Variants in PRELID2 observed in about 807,000 individuals in gnomAD.
PRELID2 encodes PRELI domain-containing protein 2.
Under a neutral mutation model 28.4 loss-of-function variants are expected in PRELID2, and 25 were observed. The ratio of observed to expected loss-of-function variants is 0.88; its 90% CI spans 0.64 to 1.23. The LOEUF (loss-of-function observed/expected upper bound fraction) is 1.23. Among genes scored for constraint, PRELID2 ranks in the 50% most tolerant of loss-of-function variants. PRELID2 has a pLI of 0.00. For synonymous variants in PRELID2, 76 were observed against 71.6 expected (o/e 1.06, Z -0.31); for missense variants, 201 against 214.4 (o/e 0.94, Z 0.39).
chr5:145,825,244 A>AAC (rs1755106156), intron 1 of PRELID2, among the ~76,000 whole-genome samples: 1 of 126,240 alleles, frequency 7.9e-6, no homozygotes, highest in Non-Finnish European at 1.7e-5. Flanking sequence ...AAAAAAAAAA[A>AAC]AAAAAAAAAA....
chr5:145,283,718 T>C, the PRELID2 span, among the ~76,000 whole-genome samples: 1 of 152,188 alleles, frequency 6.6e-6, no homozygotes, highest in Non-Finnish European at 1.5e-5. Flanking sequence ...ACCAGGCAAG[T>C]TGTTCATCTT....
chr5:145,277,221 TA>T, the PRELID2 span, among the ~76,000 whole-genome samples: 191 of 152,222 alleles, frequency 1.3e-3, no homozygotes, highest in African/African-American at 4.5e-3. Context: ...AAATGTTCAG[TA>T]AACAAAATTT....
chr5:145,283,564 A>G, the PRELID2 span, among the ~76,000 whole-genome samples: 1 of 152,182 alleles, frequency 6.6e-6, no homozygotes, highest in Non-Finnish European at 1.5e-5. Flanking sequence ...AACATCAGAT[A>G]TAAATAAGGA....
the PRELID2 span, among the ~76,000 whole-genome samples, chr5:145,232,578 A>G: frequency 6.6e-6 from 1 of 152,172 alleles, no homozygotes; most frequent in African/African-American, 2.4e-5. Context: ...ATAAGGCTTG[A>G]TCACTCGTTA....
chr5:145,406,050 G>A, the PRELID2 span, among the ~76,000 whole-genome samples: 10 of 152,006 alleles, frequency 6.6e-5, no homozygotes, highest in South Asian at 6.2e-4. Context: ...GAACTCCCTC[G>A]GGATCACAAG....
the PRELID2 span, among the ~76,000 whole-genome samples, chr5:145,456,048 T>G: frequency 6.6e-6 from 1 of 152,208 alleles, no homozygotes; most frequent in East Asian, 1.9e-4. Flanking sequence ...TACCTTGGTC[T>G]CAAGGTTCTG....
At chr5:145,644,742 A>T (rs991582520) in intron 1 of PRELID2, among the ~76,000 whole-genome samples, 1 of 152,198 alleles carries the variant, frequency 6.6e-6, no homozygotes, top group African/African-American at 2.4e-5. Flanking sequence ...TTCAAAGAAC[A>T]TCTTTATTTC....
At chr5:145,555,719 G>A (rs1485574006) in intron 1 of PRELID2, among the ~76,000 whole-genome samples, 1 of 152,150 alleles carries the variant, frequency 6.6e-6, no homozygotes, top group African/African-American at 2.4e-5. Flanking sequence ...TGAGCCATAT[G>A]CAAAGGGAGC....
At chr5:145,796,271 C>T in intron 5 of PRELID2, 171 bp downstream of exon 5, 1 of 421,802 alleles carries the variant, frequency 2.4e-6, no homozygotes, top group Non-Finnish European at 4.2e-6. Flanking sequence ...TTTAGTTTTA[C>T]TTTGATTTGA....
intron 1 of PRELID2, among the ~76,000 whole-genome samples, chr5:145,659,989 A>T (rs1417270677): frequency 1.3e-5 from 2 of 152,198 alleles, no homozygotes; most frequent in African/African-American, 4.8e-5. Flanking sequence ...TATTAATAAT[A>T]GTAACAGTGG....
the PRELID2 span, among the ~76,000 whole-genome samples, chr5:145,383,843 TACAC>T: frequency 6.6e-6 from 1 of 151,764 alleles, no homozygotes; most frequent in African/African-American, 2.4e-5. Context: ...CACACACACA[TACAC>T]ACACACATTT....
intron 1 of PRELID2, among the ~76,000 whole-genome samples, chr5:145,621,988 C>G (rs28429609): frequency 0.19 from 28,619 of 151,582 alleles, 4,640 homozygotes; most frequent in African/African-American, 0.43. Flanking sequence ...AAAAGTAAAA[C>G]AAAAAGAAAA....
intron 1 of PRELID2, among the ~76,000 whole-genome samples, chr5:145,662,066 A>G (rs1312962560): frequency 6.6e-6 from 1 of 152,026 alleles, no homozygotes; most frequent in African/African-American, 2.4e-5. Flanking sequence ...CTACAATTTA[A>G]TATCTCGGGG....
At chr5:145,313,490 T>C in the PRELID2 span, among the ~76,000 whole-genome samples, 13,864 of 152,242 alleles carry the variant, frequency 0.091, 810 homozygotes, top group Non-Finnish European at 0.13. Flanking sequence ...CCTTAGAATA[T>C]GCCATTTGGC....
intron 1 of PRELID2, among the ~76,000 whole-genome samples, chr5:145,679,125 C>A (rs747135929): frequency 6.6e-6 from 1 of 152,200 alleles, no homozygotes; most frequent in Non-Finnish European, 1.5e-5. Flanking sequence ...CTGCTTATCA[C>A]TAATAAACTC....
At chr5:145,835,149 G>A (rs1208533926) in intron 1 of PRELID2, 28 bp downstream of exon 1, 3 of 1,506,724 alleles carry the variant, frequency 2.0e-6, no homozygotes, top group Non-Finnish European at 2.7e-6. Flanking sequence ...GGCAGCGCGG[G>A]ATACGGAAGG....
chr5:145,643,670 G>C (rs62392282), intron 1 of PRELID2, among the ~76,000 whole-genome samples: 10,878 of 151,952 alleles, frequency 0.072, 989 homozygotes, highest in African/African-American at 0.21. Flanking sequence ...AGATCTTATT[G>C]TTTTGAGATA....
rs1346313868 is a variant in PRELID2, at chr5:145,757,475, C to T, written c.*3061G>A. Among the ~76,000 whole-genome samples, 1 of 152,124 alleles carries T rather than the reference C, an allele frequency of 6.6e-6. No homozygotes were observed. Among genetic ancestry groups the T allele is most frequent in the Non-Finnish European group, 1.5e-5 (1 of 68,022 alleles). On this transcript the variant is annotated 3_prime_UTR_variant, in exon 7 of 7. Transcript: ENST00000683046. ...GTCTGAGAATCACAGGGTAAATCAT[C>T]GCCTTGAAGACAGGAGGAGACTGGC...
At chr5:145,751,706 G>T (rs1757127964), downstream of PRELID2, among the ~76,000 whole-genome samples, 2 of 152,202 alleles carry the variant, frequency 1.3e-5, no homozygotes, top group South Asian at 4.1e-4. Flanking sequence ...TTTGGGCCAG[G>T]CACGGTGGCT....
Sources: gnomAD v4.1 joint callset for allele counts (sites outside exome capture counted in the v4.1 genomes callset) on GRCh38, gnomAD v4.1.1 for gene constraint, MANE v1.5 for transcripts, NCBI Gene and HGNC (gene_info 2026-07-23, HGNC 2026-07-21) for gene names.